The following GRIN3A variants were observed in gnomAD, a reference collection of about 807,000 sequenced individuals.
GRIN3A encodes glutamate ionotropic receptor NMDA type subunit 3A.
A neutral mutation model predicts 92.4 loss-of-function variants in GRIN3A; 47 were observed. That is an observed-to-expected ratio of 0.51 (90% CI 0.40 to 0.65). The LOEUF (loss-of-function observed/expected upper bound fraction) is 0.65. Ranked by LOEUF, GRIN3A falls within the 30% of genes least tolerant of loss-of-function variation. The pLI, the probability that GRIN3A is intolerant of heterozygous loss-of-function variation, is 0.00. For synonymous variants in GRIN3A, 527 were observed against 540.6 expected, an observed-to-expected ratio of 0.97 and a Z score of 0.35; for missense variants, 1,324 against 1,393.1, an observed-to-expected ratio of 0.95 and a Z score of 0.79.
chr9:101,688,623 T>C (rs1285488661), intron 1 of GRIN3A, among the ~76,000 whole-genome samples: 1 of 152,074 alleles, frequency 6.6e-6, no homozygotes, highest in African/African-American at 2.4e-5. Context: ...ATGGTCTTTT[T>C]AAAATTAAAA....
chr9:101,678,084 C>G (rs1829422221), intron 2 of GRIN3A, among the ~76,000 whole-genome samples: 2 of 152,112 alleles, frequency 1.3e-5, no homozygotes, highest in Admixed American at 1.3e-4. Context: ...ATCTAAGTAC[C>G]TATCTCACTG....
rs747352476 is a variant in GRIN3A, at chr9:101,623,370, T to G, written c.2562A>C (p.Ser854=). 7.4e-6 allele frequency: 12 copies of G among 1,613,918 alleles called. No homozygotes were observed. Among genetic ancestry groups the G allele is most frequent in the Admixed American group, 1.7e-5 (1 of 60,004 alleles). The change falls in exon 5 of 9, where the codon TCA becomes TCC. Residue 854 remains serine, a synonymous_variant. Coordinates refer to ENST00000361820, the MANE Select transcript of GRIN3A (RefSeq NM_133445.3). The part of the protein sequence containing the change: ...MDKALLDYEV[S]IDADCKLLTV... ...TGAGAAGTTTGCAGTCAGCATCTAT[T>G]GACACTTCATAATCCAGAAGGGCTT...
rs118132102 is a variant in GRIN3A, at chr9:101,695,040, T to C, written c.700-7840A>G. Among the ~76,000 whole-genome samples, 59 of 152,334 alleles carry C rather than the reference T, an allele frequency of 3.9e-4. 1 individual carries two copies. The East Asian group carries it at 0.011, about 29-fold the overall frequency. On this transcript the variant is annotated intron_variant, in intron 1 of 8. Coordinates refer to ENST00000361820, the MANE Select transcript of GRIN3A (RefSeq NM_133445.3). ...TATATGTGAGACCTTGTGAAAACCA[T>C]TTTCCTCTTTTGCGTAATGAAAATG...
At chr9:101,632,654 C>G (rs1407873) in intron 3 of GRIN3A, among the ~76,000 whole-genome samples, 29,493 of 151,818 alleles carry the variant, frequency 0.19, 3,199 homozygotes, top group Non-Finnish European at 0.25. Context: ...CTTTCTTTCT[C>G]TGTGTGAGAT....
At position 101,676,169 on chromosome 9, in the gene GRIN3A, A is replaced by G. The variant is rs371355902; in HGVS notation, c.1305-5062T>C. Among the ~76,000 whole-genome samples the G allele has an allele frequency of 1.1e-4, 16 of 151,922 alleles. 1 individual carries two copies. In the East Asian group the frequency reaches 2.1e-3, roughly 20 times the overall value. On this transcript the variant is annotated intron_variant, in intron 2 of 8. Coordinates refer to ENST00000361820, the MANE Select transcript of GRIN3A (RefSeq NM_133445.3). Reference sequence around the variant, plus strand: ...TTTTGTGTTGTTTAAATGCATCACCATCCTCAAGTGTCTTCTTTCATGACC... The same window carrying G: ...TTTTGTGTTGTTTAAATGCATCACCGTCCTCAAGTGTCTTCTTTCATGACC...
intron 6 of GRIN3A, among the ~76,000 whole-genome samples, chr9:101,609,318 T>C (rs986376432): frequency 1.3e-5 from 2 of 152,216 alleles, no homozygotes; most frequent in Non-Finnish European, 2.9e-5. Context: ...GATATCCTAA[T>C]GTAGGCAGAG....
chr9:101,712,685 A>T (rs927204881), intron 1 of GRIN3A, among the ~76,000 whole-genome samples: 12 of 152,240 alleles, frequency 7.9e-5, no homozygotes, highest in Non-Finnish European at 1.6e-4. Flanking sequence ...CTCTAAAAAC[A>T]TCTACTAATA....
chr9:101,736,916 A>T (rs1830214175), intron 1 of GRIN3A, among the ~76,000 whole-genome samples: 1 of 151,964 alleles, frequency 6.6e-6, no homozygotes, highest in Non-Finnish European at 1.5e-5. Context: ...CTGCTCTTGT[A>T]GTTCTTCAGA....
intron 3 of GRIN3A, among the ~76,000 whole-genome samples, chr9:101,656,013 G>A (rs568641884): frequency 2.6e-5 from 4 of 152,008 alleles, no homozygotes; most frequent in African/African-American, 9.6e-5. Flanking sequence ...CAGAGAAGCT[G>A]GGAAGAGTGA....
chr9:101,617,420 T>C, intron 5 of GRIN3A, among the ~76,000 whole-genome samples: 1 of 152,014 alleles, frequency 6.6e-6, no homozygotes, highest in Non-Finnish European at 1.5e-5. Flanking sequence ...ACAAAAGTGT[T>C]AAGATTCCCT....
chr9:101,721,666 A>G lies in GRIN3A; in HGVS notation c.699+15615T>C, dbSNP rs557105642. Among the ~76,000 whole-genome samples, 697 of 152,292 alleles carry G rather than the reference A, an allele frequency of 4.6e-3. 2 individuals are homozygous for G. The highest frequency in any genetic ancestry group is 8.2e-3 in the Non-Finnish European group (557 of 68,010). On this transcript the variant is annotated intron_variant, in intron 1 of 8. Transcript: ENST00000361820. ...GTGGTCTCAGTTGAAGATGAGCACCATGTTGGGAACTGAAGCAAAGGTGAC... is the reference window on the plus strand; with the variant it reads ...GTGGTCTCAGTTGAAGATGAGCACCGTGTTGGGAACTGAAGCAAAGGTGAC...
intron 1 of GRIN3A, among the ~76,000 whole-genome samples, chr9:101,712,777 C>G (rs1160607241): frequency 6.6e-6 from 1 of 152,140 alleles, no homozygotes; most frequent in Non-Finnish European, 1.5e-5. Context: ...GATCGTTATT[C>G]CATGTAACAA....
chr9:101,628,160 T>A (rs1008186088), intron 4 of GRIN3A, 96 bp downstream of exon 4: 6 of 1,220,290 alleles, frequency 4.9e-6, no homozygotes, highest in Non-Finnish European at 7.2e-6. Context: ...GGTATATTCA[T>A]CTGTCATTTT....
intron 1 of GRIN3A, among the ~76,000 whole-genome samples, chr9:101,705,427 G>C (rs1368712856): frequency 6.6e-6 from 1 of 152,036 alleles, no homozygotes; most frequent in Non-Finnish European, 1.5e-5. Context: ...TCCCCATCCC[G>C]CTGAAAGCCA....
intron 1 of GRIN3A, among the ~76,000 whole-genome samples, chr9:101,722,848 G>A (rs1008782482): frequency 6.6e-6 from 1 of 152,164 alleles, no homozygotes; most frequent in African/African-American, 2.4e-5. Flanking sequence ...GAAGGGACTT[G>A]TCTTGTCTCA....
intron 5 of GRIN3A, among the ~76,000 whole-genome samples, chr9:101,617,737 C>T (rs556541093): frequency 1.7e-4 from 25 of 146,834 alleles, no homozygotes; most frequent in Non-Finnish European, 2.5e-4. Flanking sequence ...CACGCTGGTG[C>T]GCTGCACCCA....
intron 6 of GRIN3A, among the ~76,000 whole-genome samples, chr9:101,582,291 C>T (rs1473813258): frequency 6.6e-6 from 1 of 152,156 alleles, no homozygotes; most frequent in Non-Finnish European, 1.5e-5. Flanking sequence ...CTCAGGAAAT[C>T]TCTTTCCCTC....
chr9:101,666,525 A>G (rs1829238518), intron 3 of GRIN3A, among the ~76,000 whole-genome samples: 1 of 151,998 alleles, frequency 6.6e-6, no homozygotes, highest in Non-Finnish European at 1.5e-5. Flanking sequence ...GGATCAGGAA[A>G]AACAACTGAT....
intron 1 of GRIN3A, among the ~76,000 whole-genome samples, chr9:101,701,851 A>G (rs1479545456): frequency 1.3e-5 from 2 of 151,962 alleles, no homozygotes; most frequent in African/African-American, 2.4e-5. Context: ...CTCCCCAATG[A>G]CCTTGTTCTG....
Sources: gnomAD v4.1 joint callset for allele counts (sites outside exome capture counted in the v4.1 genomes callset) on GRCh38, gnomAD v4.1.1 for gene constraint, MANE v1.5 for transcripts, NCBI Gene and HGNC (gene_info 2026-07-23, HGNC 2026-07-21) for gene names.